Variants in RNF214 observed in about 807,000 individuals in gnomAD.
RNF214 encodes ring finger protein 214.
A neutral mutation model predicts 75.9 loss-of-function variants in RNF214; 25 were observed. The ratio of observed to expected loss-of-function variants is 0.33; its 90% confidence interval spans 0.24 to 0.46. The LOEUF is 0.46. Ranked by LOEUF, RNF214 falls within the 20% of genes least tolerant of loss-of-function variation. RNF214 has a pLI of 1.00. For synonymous variants in RNF214, 314 were observed against 308.8 expected, an observed-to-expected ratio of 1.02 and a Z score of -0.18; for missense variants, 725 against 857.5, an observed-to-expected ratio of 0.85 and a Z score of 1.93.
chr11:117,233,537 T>G (rs188605990), intron 1 of RNF214, among the ~76,000 whole-genome samples: 1 of 152,356 alleles, frequency 6.6e-6, no homozygotes, highest in East Asian at 1.9e-4. Context: ...AGGTCATAAG[T>G]TTGCTCTGCG....
At chr11:117,239,615 C>G in intron 3 of RNF214, 186 bp from the exon 4 acceptor site, 1 of 587,160 alleles carries the variant, frequency 1.7e-6, no homozygotes, top group South Asian at 1.9e-5. Context: ...TTTTGTGGGA[C>G]CGATGATTAA....
At chr11:117,277,500 A>G (rs2034036631) in intron 6 of RNF214, among the ~76,000 whole-genome samples, 2 of 152,230 alleles carry the variant, frequency 1.3e-5, no homozygotes, top group Non-Finnish European at 2.9e-5. Flanking sequence ...ACACACACAC[A>G]CACACACCCT....
chr11:117,281,837 T>G (rs1231726482), intron 10 of RNF214, 57 bp from the exon 11 acceptor site: 3 of 1,582,228 alleles, frequency 1.9e-6, no homozygotes, highest in Non-Finnish European at 2.6e-6. Flanking sequence ...TTCTCCAGTT[T>G]CCTAAACTTT....
Position 117,282,749 on chromosome 11 carries a change from C to T in RNF214, c.1849C>T (p.Leu617Phe). Residue 617 changes from leucine to phenylalanine, a missense_variant, in exon 13 of 15, where the codon CTT becomes TTT. Transcript: ENST00000300650. The stretch of plus-strand genomic sequence containing the variant: ...CTGACAATGTTTCTACCTACAGCCA[C>T]TTGGTCGCATCCGGGCCTTGTTCCC... ...HERVAASTQP[L>F]GRIRALFPAP... is the part of the protein sequence containing the mutation. 3 of 1,613,852 alleles carry T rather than the reference C, an allele frequency of 1.9e-6. No individual in the cohort carries two copies. The highest frequency in any genetic ancestry group is 2.5e-6 in the Non-Finnish European group (3 of 1,179,720).
intron 4 of RNF214, among the ~76,000 whole-genome samples, chr11:117,242,991 C>T (rs1426161292): frequency 6.6e-6 from 1 of 152,138 alleles, no homozygotes; most frequent in Non-Finnish European, 1.5e-5. Context: ...CCGGGGTCCA[C>T]CTGTAGAAGC....
chr11:117,279,483 T>G (rs1477278303), intron 6 of RNF214, among the ~76,000 whole-genome samples: 1 of 152,064 alleles, frequency 6.6e-6, no homozygotes, highest in Non-Finnish European at 1.5e-5. Flanking sequence ...GCGACAGGCG[T>G]GCGCCATCAC....
chr11:117,282,251 C>T lies in RNF214; in HGVS notation c.1693C>T (p.Arg565Trp), dbSNP rs768001744. 1.2e-5 allele frequency: 19 copies of T among 1,597,080 alleles called. No individual in the cohort carries two copies. The highest frequency in any genetic ancestry group is 3.4e-4 in the Middle Eastern group (2 of 5,952). ...GAAGATCCTGGAGAAGCTGCTGACC[C>T]GGTTCCCACAGTGCAATAAGTAAGT... ...LEKILEKLLT[R>W]FPQCNKAQMT... The change falls in exon 11 of 15, where the codon CGG (arginine) becomes TGG (tryptophan). Residue 565 changes from arginine (R) to tryptophan (W), a missense_variant. Arg to Trp is a moderately radical substitution (Grantham distance 101). This residue lies in a region of RNF214 where 363 missense variants were observed against 513.0 expected (regional missense o/e 0.71). Transcript: ENST00000300650.
At position 117,285,074 on chromosome 11, in the gene RNF214, C is replaced by T. The variant is rs777581401; in HGVS notation, c.2047-12C>T. 3 of 1,599,688 alleles carry T rather than the reference C, an allele frequency of 1.9e-6. No homozygotes were observed. Among genetic ancestry groups the T allele is most frequent in the East Asian group, 2.2e-5 (1 of 44,774 alleles). On this transcript the variant is annotated splice_polypyrimidine_tract_variant and intron_variant, in intron 14 of 14. Transcript: ENST00000300650. Reference sequence around the variant, plus strand: ...CCAGATAAACCTGAGGTGTGTCTTTCTTTCTTTCCAGTGTATCAAATTCTG... The same window carrying T: ...CCAGATAAACCTGAGGTGTGTCTTTTTTTCTTTCCAGTGTATCAAATTCTG...
intron 6 of RNF214, among the ~76,000 whole-genome samples, chr11:117,275,121 C>CT (rs1446258763): frequency 6.6e-6 from 1 of 152,046 alleles, no homozygotes; most frequent in Non-Finnish European, 1.5e-5. Context: ...ACTCTCAAAC[C>CT]TATAGAAATT....
rs2032841527 is a variant in RNF214 at position 117,234,375 on chromosome 11, C to G, written c.103C>G (p.Leu35Val). 6.2e-7 allele frequency: 1 copy of G among 1,607,810 alleles called. No homozygotes were observed. The highest frequency in any genetic ancestry group is 1.3e-5 in the African/African-American group (1 of 74,822). Reference sequence around the variant, plus strand: ...ATCAGACGAAGGTCTCCCAGATGGTCTAAGGTAATGTGTGGACTCCTGACT... The same window carrying G: ...ATCAGACGAAGGTCTCCCAGATGGTGTAAGGTAATGTGTGGACTCCTGACT... ...SKSDEGLPDG[L>V]STKDSAQKQK... Residue 35 changes from leucine (L) to valine (V), a missense_variant, in exon 2 of 15, where the codon CTA (leucine) becomes GTA (valine). This residue lies in a region of RNF214 where 362 missense variants were observed against 344.5 expected (regional missense o/e 1.05). Coordinates refer to ENST00000300650, the MANE Select transcript of RNF214 (RefSeq NM_207343.4).
At position 117,260,638 on chromosome 11, in the gene RNF214, CT is replaced by C. The variant is rs574193849; in HGVS notation, c.959+13702del. The stretch of plus-strand genomic sequence containing the variant: ...ACACAGTGAGACCTAGTCTCTATTT[CT>C]TTTTTTTTTTTCTTTTTCCTTTTTT... On this transcript the variant is annotated intron_variant, in intron 6 of 14. Transcript: ENST00000300650. Among the ~76,000 whole-genome samples the C allele has an allele frequency of 5.4e-3, 710 of 131,428 alleles. 9 individuals are homozygous for C. The highest frequency in any genetic ancestry group is 0.019 in the Admixed American group (249 of 12,876). The allele number at this position is 131,428 out of a possible 152,430, so 86.2% of individuals were successfully genotyped here. A position where few individuals can be genotyped will look rare whatever the true frequency, so the allele number is the denominator to read the frequency against.
chr11:117,278,623 G>T (rs772640138), intron 6 of RNF214, among the ~76,000 whole-genome samples: 35 of 152,270 alleles, frequency 2.3e-4, no homozygotes, highest in Non-Finnish European at 2.9e-4. Context: ...CATGCTGAGT[G>T]GGGGGAAAAC....
chr11:117,245,363 G>A (rs558574426), intron 5 of RNF214, among the ~76,000 whole-genome samples: 7 of 147,282 alleles, frequency 4.8e-5, no homozygotes, highest in South Asian at 2.2e-4. Context: ...TTTTTGAGAC[G>A]GAGTCTCGCT....
intron 6 of RNF214, among the ~76,000 whole-genome samples, chr11:117,262,406 G>T (rs1472331588): frequency 2.0e-5 from 3 of 151,380 alleles, no homozygotes; most frequent in Non-Finnish European, 4.4e-5. Context: ...TTTGAGTTGG[G>T]GTCTTGCTTT....
At chr11:117,266,766 T>C (rs1401150562) in intron 6 of RNF214, among the ~76,000 whole-genome samples, 3 of 152,184 alleles carry the variant, frequency 2.0e-5, no homozygotes, top group Admixed American at 1.3e-4. Flanking sequence ...TTTGATATTG[T>C]CCGACAGCTC....
At chr11:117,252,292 G>T (rs1157077794) in intron 6 of RNF214, among the ~76,000 whole-genome samples, 2 of 152,190 alleles carry the variant, frequency 1.3e-5, no homozygotes, top group Non-Finnish European at 2.9e-5. Context: ...TGAAACTAAA[G>T]TAGTGCCAGT....
At chr11:117,279,474 C>G (rs1187791877) in intron 6 of RNF214, among the ~76,000 whole-genome samples, 3 of 151,822 alleles carry the variant, frequency 2.0e-5, no homozygotes, top group African/African-American at 7.3e-5. Context: ...TGGGACTAGG[C>G]GACAGGCGTG....
rs142500562 is a variant in RNF214, at chr11:117,285,352, C to T, written c.*201C>T. 4.0e-4 allele frequency: 173 copies of T among 436,644 alleles called. 1 individual carries two copies. The East Asian group carries it at 6.2e-3, about 16-fold the overall frequency. 27.0% of individuals were successfully genotyped at this position (436,644 alleles called of 1,614,324 possible). On this transcript the variant is annotated 3_prime_UTR_variant, in exon 15 of 15. Transcript: ENST00000300650. ...GTATATTATGCAGAAACAGTCTGTT[C>T]CCCCTCATCTTGCAATTCCTTTGGG...
At chr11:117,252,112 G>A (rs900217616) in intron 6 of RNF214, among the ~76,000 whole-genome samples, 5 of 152,194 alleles carry the variant, frequency 3.3e-5, no homozygotes, top group Admixed American at 1.3e-4. Flanking sequence ...CAAGTGATGT[G>A]CCCGCCTTGG....
Sources: allele counts gnomAD v4.1 joint callset (sites outside exome capture counted in the v4.1 genomes callset), GRCh38; gene constraint gnomAD v4.1.1; regional missense constraint gnomAD v4.1.1; transcripts MANE v1.5; gene names NCBI Gene and HGNC (gene_info 2026-07-23, HGNC 2026-07-21).